Variants in BTBD9 observed in about 807,000 individuals in gnomAD.
BTBD9 encodes BTB/POZ domain-containing protein 9.
Under a neutral mutation model 64.3 loss-of-function variants are expected in BTBD9, and 49 were observed. The observed-to-expected ratio is 0.76, with a 90% CI of 0.61 to 0.97. BTBD9 has a LOEUF of 0.97. Ranked by LOEUF, BTBD9 falls within the 50% of genes least tolerant of loss-of-function variation. The pLI is 0.00. For synonymous variants in BTBD9, 260 were observed against 274.7 expected (o/e 0.95, Z 0.53); for missense variants, 598 against 762.1 (o/e 0.78, Z 2.53).
chr6:38,368,179 C>G (rs1413444319), intron 6 of BTBD9, among the ~76,000 whole-genome samples: 1 of 152,010 alleles, frequency 6.6e-6, no homozygotes, highest in Non-Finnish European at 1.5e-5. Context: ...ATTTTAATAC[C>G]ACAGATATAC....
chr6:38,217,566 A>G (rs1763050527), intron 9 of BTBD9, among the ~76,000 whole-genome samples: 1 of 152,136 alleles, frequency 6.6e-6, no homozygotes, highest in Non-Finnish European at 1.5e-5. Context: ...TCAGGCGGAG[A>G]GGTTTGTGAA....
At chr6:38,622,322 A>C (rs2127524482) in intron 1 of BTBD9, among the ~76,000 whole-genome samples, 1 of 152,310 alleles carries the variant, frequency 6.6e-6, no homozygotes, top group Non-Finnish European at 1.5e-5. Flanking sequence ...ATAACTTTAC[A>C]AATTGGATAG....
At chr6:38,631,358 A>C (rs1778355670) in intron 1 of BTBD9, among the ~76,000 whole-genome samples, 1 of 152,200 alleles carries the variant, frequency 6.6e-6, no homozygotes, top group Non-Finnish European at 1.5e-5. Flanking sequence ...GTTGTTTGGA[A>C]ATATGCCCAC....
chr6:38,565,608 A>T (rs116077827), intron 6 of BTBD9, among the ~76,000 whole-genome samples: 94 of 152,350 alleles, frequency 6.2e-4, no homozygotes, highest in African/African-American at 2.2e-3. Flanking sequence ...TGCATAAAAC[A>T]AATGAGACCA....
intron 6 of BTBD9, among the ~76,000 whole-genome samples, chr6:38,527,843 T>C (rs2127426341): frequency 6.6e-6 from 1 of 150,620 alleles, no homozygotes; most frequent in East Asian, 2.0e-4. Context: ...CTCATGAAAA[T>C]CAGAAATAGG....
At chr6:38,266,428 C>T (rs1764973089) in intron 8 of BTBD9, among the ~76,000 whole-genome samples, 1 of 151,892 alleles carries the variant, frequency 6.6e-6, no homozygotes, top group African/African-American at 2.4e-5. Context: ...CAAAAATTAG[C>T]CGGGCGTGGC....
intron 9 of BTBD9, among the ~76,000 whole-genome samples, chr6:38,218,353 T>G (rs974605354): frequency 6.6e-6 from 1 of 152,222 alleles, no homozygotes; most frequent in Non-Finnish European, 1.5e-5. Context: ...CCCAATCCTC[T>G]GAACTTCTGA....
chr6:38,329,749 G>T (rs1299753297), intron 7 of BTBD9, among the ~76,000 whole-genome samples: 1 of 152,048 alleles, frequency 6.6e-6, no homozygotes, highest in Non-Finnish European at 1.5e-5. Context: ...GAGGTCAGGA[G>T]TTCGAGAACA....
rs923109651 is a variant in BTBD9, at chr6:38,378,754, A to C, written c.1155-33661T>G. Among the ~76,000 whole-genome samples the C allele has an allele frequency of 2.2e-4, 33 of 151,464 alleles. No individual in the cohort carries two copies. The East Asian group carries it at 6.3e-3, about 29-fold the overall frequency. On this transcript the variant is annotated intron_variant, in intron 6 of 10. Transcript: ENST00000481247. ...CTGGGCGTGGTGGTGGGTACCTGTA[A>C]TCTCAGCTACTCGGGAGGCTGAGGC...
chr6:38,204,767 A>C (rs1762577200), intron 9 of BTBD9, among the ~76,000 whole-genome samples: 1 of 152,210 alleles, frequency 6.6e-6, no homozygotes, highest in Non-Finnish European at 1.5e-5. Flanking sequence ...AAAGATGACC[A>C]ACAGCAAATA....
intron 6 of BTBD9, among the ~76,000 whole-genome samples, chr6:38,416,635 C>T (rs896692584): frequency 5.3e-5 from 8 of 151,844 alleles, no homozygotes; most frequent in Middle Eastern, 3.4e-3. Flanking sequence ...TGAGCCACCA[C>T]GCCTGGCCCC....
chr6:38,176,184 G>A (rs183632950), intron 10 of BTBD9, among the ~76,000 whole-genome samples: 9 of 152,276 alleles, frequency 5.9e-5, no homozygotes, highest in Non-Finnish European at 1.0e-4. Context: ...GGGGGCTGTC[G>A]TTGCCACTGC....
intron 6 of BTBD9, among the ~76,000 whole-genome samples, chr6:38,500,129 G>A (rs1175095944): frequency 1.3e-5 from 2 of 151,468 alleles, no homozygotes; most frequent in African/African-American, 2.4e-5. Flanking sequence ...AAATAGAAAG[G>A]TGTCAAAGAA....
intron 10 of BTBD9, among the ~76,000 whole-genome samples, chr6:38,192,076 C>T (rs904002058): frequency 4.6e-5 from 7 of 152,186 alleles, no homozygotes; most frequent in Admixed American, 4.6e-4. Flanking sequence ...TCTCTTAAAC[C>T]AGAGGTTCCT....
chr6:38,579,484 G>A (rs1776196319), intron 5 of BTBD9, among the ~76,000 whole-genome samples: 1 of 152,202 alleles, frequency 6.6e-6, no homozygotes, highest in East Asian at 1.9e-4. Flanking sequence ...GAACCTAGAA[G>A]CCACAGTGGG....
intron 9 of BTBD9, among the ~76,000 whole-genome samples, chr6:38,193,600 G>A (rs1446800009): frequency 6.6e-6 from 1 of 152,120 alleles, no homozygotes; most frequent in Non-Finnish European, 1.5e-5. Context: ...TTGGTTGAAC[G>A]CTCAGCAGCT....
intron 6 of BTBD9, among the ~76,000 whole-genome samples, chr6:38,439,410 G>A (rs1273891024): frequency 6.6e-6 from 1 of 151,772 alleles, no homozygotes; most frequent in Non-Finnish European, 1.5e-5. Flanking sequence ...TTACAGGCAT[G>A]AGTCACCATG....
chr6:38,416,385 A>G (rs1767666940), intron 6 of BTBD9, among the ~76,000 whole-genome samples: 1 of 146,632 alleles, frequency 6.8e-6, no homozygotes, highest in African/African-American at 2.6e-5. Context: ...CCCCGGCTGG[A>G]GTGCAGTGGC....
At position 38,576,361 on chromosome 6, in the gene BTBD9, T is replaced by C. The variant is rs545398992; in HGVS notation, c.1154+1239A>G. ...AGCAACCGCTAGACCTGAGACACTTTAGTCTGTCTTTGGGGAAATGAAATT... is the reference window on the plus strand; with the variant it reads ...AGCAACCGCTAGACCTGAGACACTTCAGTCTGTCTTTGGGGAAATGAAATT... On this transcript the variant is annotated intron_variant, in intron 6 of 10. Coordinates refer to ENST00000481247, the MANE Select transcript of BTBD9 (RefSeq NM_001099272.2). Among the ~76,000 whole-genome samples, 7 of 127,268 alleles carry C rather than the reference T, an allele frequency of 5.5e-5. No homozygotes were observed. In the East Asian group the frequency reaches 1.4e-3, roughly 25 times the overall value. The allele number at this position is 127,268 out of a possible 152,430, so 83.5% of individuals were successfully genotyped here. A position where few individuals can be genotyped will look rare whatever the true frequency, so the allele number is the denominator to read the frequency against.
Sources: allele counts gnomAD v4.1 joint callset (sites outside exome capture counted in the v4.1 genomes callset), GRCh38; gene constraint gnomAD v4.1.1; transcripts MANE v1.5; gene names NCBI Gene and HGNC (gene_info 2026-07-23, HGNC 2026-07-21).